Variants in FBXO17 observed in about 807,000 individuals in gnomAD.
FBXO17 encodes F-box protein 17.
In FBXO17, 43 loss-of-function variants were observed where a neutral mutation model predicts 34.1. The ratio of observed to expected loss-of-function variants is 1.26; its 90% CI spans 0.99 to 1.62. FBXO17 has a LOEUF of 1.62. Ranked by LOEUF, FBXO17 falls within the 40% of genes most tolerant of loss-of-function variation. The probability of loss-of-function intolerance (pLI) is 0.00; values close to 1 mark genes in which losing one functional copy is unlikely to be tolerated. For synonymous variants in FBXO17, 169 were observed against 166.0 expected, an observed-to-expected ratio of 1.02 and a Z score of -0.14; for missense variants, 424 against 386.7, an observed-to-expected ratio of 1.10 and a Z score of -0.81.
At chr19:38,945,376 G>A (rs1169331039) in intron 4 of FBXO17, 5 of 495,658 alleles carry the variant, frequency 1.0e-5, no homozygotes, top group Non-Finnish European at 1.8e-5. Flanking sequence ...AGAGCCTGGG[G>A]GAGGAGCCTG....
intron 1 of FBXO17, among the ~76,000 whole-genome samples, chr19:38,952,032 C>T (rs913128266): frequency 1.3e-5 from 2 of 151,738 alleles, no homozygotes; most frequent in Admixed American, 1.3e-4. Context: ...CTCACTGCGA[C>T]CTCCGCCTCC....
Position 38,942,588 on chromosome 19 carries a change from G to A in FBXO17, c.*20C>T, listed in dbSNP as rs200982174. The A allele has an allele frequency of 1.7e-4, 266 of 1,529,996 alleles. 1 individual carries two copies. The highest frequency in any genetic ancestry group is 8.0e-4 in the South Asian group (63 of 78,658). The allele number at this position is 1,529,996 out of a possible 1,614,324, so 94.8% of individuals were successfully genotyped here. ...TGCAAGGCTGGTCTTGACTGACAACGTCAGGCAGTAGTCCAGTCGCTAGGA... is the reference window on the plus strand; with the variant it reads ...TGCAAGGCTGGTCTTGACTGACAACATCAGGCAGTAGTCCAGTCGCTAGGA... On this transcript the variant is annotated 3_prime_UTR_variant, in exon 6 of 6. Coordinates refer to ENST00000292852, the MANE Select transcript of FBXO17 (RefSeq NM_024907.7).
intron 1 of FBXO17, among the ~76,000 whole-genome samples, chr19:38,953,594 G>A (rs1260487476): frequency 1.3e-5 from 2 of 152,076 alleles, no homozygotes; most frequent in Non-Finnish European, 2.9e-5. Context: ...CCAGGAGGCA[G>A]AGGTTGCAAT....
chr19:38,954,861 G>A (rs1307794843), intron 1 of FBXO17, among the ~76,000 whole-genome samples: 1 of 150,072 alleles, frequency 6.7e-6, no homozygotes, highest in Admixed American at 6.6e-5. Flanking sequence ...ATTAACAGGC[G>A]TGAGCCACTG....
chr19:38,959,113 A>G (rs143111419), intron 1 of FBXO17, among the ~76,000 whole-genome samples: 50 of 149,976 alleles, frequency 3.3e-4, no homozygotes, highest in African/African-American at 1.2e-3. Context: ...GGGTCTCCCT[A>G]TGTTGCCCAG....
At chr19:38,964,254 T>C (rs1975291775) in intron 1 of FBXO17, among the ~76,000 whole-genome samples, 1 of 152,208 alleles carries the variant, frequency 6.6e-6, no homozygotes, top group Non-Finnish European at 1.5e-5. Flanking sequence ...ATTGGTATTG[T>C]CAATCTTATA....
chr19:38,973,236 G>T (rs1427569971), intron 1 of FBXO17, among the ~76,000 whole-genome samples: 1 of 152,138 alleles, frequency 6.6e-6, no homozygotes, highest in South Asian at 2.1e-4. Context: ...TTAGCCAGGC[G>T]TGGTGGCACA....
intron 3 of FBXO17, chr19:38,947,002 T>C (rs1974994646): frequency 5.4e-6 from 1 of 184,248 alleles, no homozygotes; most frequent in South Asian, 1.1e-4. Flanking sequence ...AAGAGGTGAC[T>C]AAAATCAGGG....
chr19:38,944,053 C>A (rs1354934235), intron 5 of FBXO17, among the ~76,000 whole-genome samples: 1 of 152,170 alleles, frequency 6.6e-6, no homozygotes, highest in Non-Finnish European at 1.5e-5. Context: ...AGTCGCCAAT[C>A]TTCTTAGTGT....
Position 38,942,530 on chromosome 19 carries a change from G to A in FBXO17, c.*78C>T, listed in dbSNP as rs180731503. On this transcript the variant is annotated 3_prime_UTR_variant, in exon 6 of 6. Transcript: ENST00000292852. ...TCCCACCTCGGCCTCCTGAAGTGCT[G>A]GGATTCCACAGGTGTGAGCCACTGC... 1 of 1,414,624 alleles carries A rather than the reference G, an allele frequency of 7.1e-7. No individual in the cohort carries two copies. The highest frequency in any genetic ancestry group is 9.3e-7 in the Non-Finnish European group (1 of 1,078,594). The allele number at this position is 1,414,624 out of a possible 1,614,324, so 87.6% of individuals were successfully genotyped here. A position where few individuals can be genotyped will look rare whatever the true frequency, so the allele number is the denominator to read the frequency against.
Position 38,943,913 on chromosome 19 carries a change from C to A in FBXO17, c.693+1056G>T, listed in dbSNP as rs78674923. ...CCCAAAATTCATTTTTTAAAGTGTACAATTCAGTGGTTTTTAGTTGATTCA... is the reference window on the plus strand; with the variant it reads ...CCCAAAATTCATTTTTTAAAGTGTAAAATTCAGTGGTTTTTAGTTGATTCA... On this transcript the variant is annotated intron_variant, in intron 5 of 5. Transcript: ENST00000292852. Among the ~76,000 whole-genome samples, 386 of 152,190 alleles carry A rather than the reference C, an allele frequency of 2.5e-3. 5 individuals are homozygous for A. In the East Asian group the frequency reaches 0.058, roughly 23 times the overall value.
rs535323256 is a variant in FBXO17, at chr19:38,952,648, C to T, written c.-17-2312G>A. ...CTAATTTTAGCTCTGGGCTCACGGC[C>T]GCTCCCGCTGCTCTTAGCATCATTC... On this transcript the variant is annotated intron_variant, in intron 1 of 5. Transcript: ENST00000292852. 364 of 533,868 alleles carry T rather than the reference C, an allele frequency of 6.8e-4. 3 individuals carry two copies. The highest frequency in any genetic ancestry group is 4.9e-3 in the South Asian group (352 of 71,580). 33.1% of individuals were successfully genotyped at this position (533,868 alleles called of 1,614,324 possible). A position where few individuals can be genotyped will look rare whatever the true frequency, so the allele number is the denominator to read the frequency against.
chr19:38,961,544 C>T (rs149220387), intron 1 of FBXO17, among the ~76,000 whole-genome samples: 168 of 150,958 alleles, frequency 1.1e-3, no homozygotes, highest in African/African-American at 4.0e-3. Context: ...CAAAGTGCTG[C>T]GATTACAGGT....
At chr19:38,965,704 G>A (rs1273562229) in intron 1 of FBXO17, among the ~76,000 whole-genome samples, 2 of 151,810 alleles carry the variant, frequency 1.3e-5, no homozygotes, top group East Asian at 3.9e-4. Flanking sequence ...ACGAGGTTTC[G>A]CCATGTTGGC....
At chr19:38,945,316 G>GGGAGGAGTCT (rs1394252324) in intron 4 of FBXO17, 1 of 621,942 alleles carries the variant, frequency 1.6e-6, no homozygotes, top group African/African-American at 1.9e-5. Context: ...GTGGTCCTGG[G>GGGAGGAGTCT]GAGGAGCCAG....
In FBXO17 at chr19:38,946,482, C is replaced by T. The variant is rs769844053; in HGVS notation, c.547G>A (p.Val183Met). Residue 183 changes from valine (V) to methionine (M), a missense_variant, in exon 4 of 6, where the codon GTG becomes ATG. Transcript: ENST00000292852. The part of the protein sequence containing the change: ...LLDSAQIEIC[V>M]ADWWGARENC... ...CCGCTCCTCACTCACCAGTCAGCCACACAGATCTCAATCTGGGCGCTGTCC... is the reference window on the plus strand; with the variant it reads ...CCGCTCCTCACTCACCAGTCAGCCATACAGATCTCAATCTGGGCGCTGTCC... 12 of 1,614,074 alleles carry T rather than the reference C, an allele frequency of 7.4e-6. No individual in the cohort carries two copies. The African/African-American group carries it at 1.6e-4, about 22-fold the overall frequency.
chr19:38,946,044 C>A, intron 4 of FBXO17: 1 of 201,948 alleles, frequency 5.0e-6, no homozygotes, highest in Non-Finnish European at 1.0e-5. Context: ...GGGGCAGAAC[C>A]TGGGTGTTTT....
chr19:38,953,437 C>T (rs1234201521), intron 1 of FBXO17, among the ~76,000 whole-genome samples: 2 of 151,924 alleles, frequency 1.3e-5, no homozygotes, highest in Non-Finnish European at 2.9e-5. Flanking sequence ...CTGAGGTGGG[C>T]AGATCACTTG....
intron 2 of FBXO17, among the ~76,000 whole-genome samples, chr19:38,949,513 C>T (rs1975037800): frequency 6.6e-6 from 1 of 151,676 alleles, no homozygotes; most frequent in South Asian, 2.1e-4. Context: ...GGATTACAGG[C>T]GTGAGCTACT....
Sources: gnomAD v4.1 joint callset for allele counts (sites outside exome capture counted in the v4.1 genomes callset) on GRCh38, gnomAD v4.1.1 for gene constraint, MANE v1.5 for transcripts, NCBI Gene and HGNC (gene_info 2026-07-23, HGNC 2026-07-21) for gene names.